The following EXD1 variants were observed in gnomAD, a reference collection of about 807,000 sequenced individuals.
The protein encoded by EXD1 is exonuclease 3'-5' domain containing 1, also known as piRNA biogenesis protein EXD1.
A neutral mutation model predicts 49.1 loss-of-function variants in EXD1; 63 were observed. The observed-to-expected ratio is 1.28, with a 90% CI of 1.05 to 1.58. EXD1 has a LOEUF of 1.58. Among genes scored for constraint, EXD1 ranks in the 40% most tolerant of loss-of-function variants. The pLI is 0.00. For synonymous variants in EXD1, 234 were observed against 239.2 expected (o/e 0.98, Z 0.20); for missense variants, 748 against 666.0 (o/e 1.12, Z -1.36).
intron 7 of EXD1, among the ~76,000 whole-genome samples, chr15:41,199,340 A>C (rs1010323744): frequency 1.7e-4 from 25 of 151,132 alleles, no homozygotes; most frequent in African/African-American, 5.8e-4. Context: ...CACCCGTCTC[A>C]GCCTCTCAAA....
intron 3 of EXD1, among the ~76,000 whole-genome samples, chr15:41,218,150 G>T (rs1877530198): frequency 6.6e-6 from 1 of 152,010 alleles, no homozygotes; most frequent in Admixed American, 6.6e-5. Context: ...TTCGAGACCA[G>T]CCTGGCCAAC....
intron 3 of EXD1, 127 bp from the exon 4 acceptor site, chr15:41,217,281 C>T (rs1255944935): frequency 1.2e-5 from 9 of 745,526 alleles, no homozygotes; most frequent in South Asian, 5.4e-5. Context: ...TGTTAGTCCA[C>T]GGAGGCTTTT....
At position 41,216,759 on chromosome 15, in the gene EXD1, T is replaced by C. The variant is rs1272628527; in HGVS notation, c.297A>G (p.Lys99=). 3.7e-6 allele frequency: 6 copies of C among 1,613,772 alleles called. No homozygotes were observed. The highest frequency in any genetic ancestry group is 5.1e-6 in the Non-Finnish European group (6 of 1,180,040). ...HAERTWMEKM[K]VEDLNVCEPA... ...GCTCACATACATTTAGGTCTTCAAC[T>C]TTCATTTTCTCCATCCAGGTTCTTT... The change falls in exon 5 of 12, where the codon AAA becomes AAG. Residue 99 remains lysine (K), a synonymous_variant. Coordinates refer to ENST00000458580, the MANE Select transcript of EXD1 (RefSeq NM_001286441.2).
intron 7 of EXD1, among the ~76,000 whole-genome samples, chr15:41,198,344 G>A (rs908711533): frequency 2.3e-4 from 35 of 152,208 alleles, no homozygotes; most frequent in African/African-American, 6.7e-4. Flanking sequence ...AGTTGATCAC[G>A]AATGGCCAAT....
intron 7 of EXD1, among the ~76,000 whole-genome samples, chr15:41,197,608 T>C (rs2046636712): frequency 6.6e-6 from 1 of 151,874 alleles, no homozygotes; most frequent in African/African-American, 2.4e-5. Flanking sequence ...TCATTGTGAT[T>C]TTCAAAAGCA....
chr15:41,207,188 C>G (rs1368276920), intron 7 of EXD1, among the ~76,000 whole-genome samples: 1 of 151,508 alleles, frequency 6.6e-6, no homozygotes, highest in East Asian at 2.0e-4. Context: ...TTGCAGTGAG[C>G]TGAGATTGTG....
In EXD1 at chr15:41,230,459, A is replaced by T. The variant is rs2047223472; in HGVS notation, c.-54+20T>A. On this transcript the variant is annotated intron_variant, in intron 1 of 11. Transcript: ENST00000458580. ...TCTCATTTTTAAGACAAAATAAGGA[A>T]CTTCAAATAAATGGCGGACCATAAG... is the stretch of plus-strand genomic sequence containing the variant. The T allele has an allele frequency of 6.2e-7, 1 of 1,607,370 alleles. No homozygotes were observed. Among genetic ancestry groups the T allele is most frequent in the Admixed American group, 1.7e-5 (1 of 59,976 alleles).
intron 6 of EXD1, among the ~76,000 whole-genome samples, chr15:41,211,256 C>T (rs1335712613): frequency 6.6e-6 from 1 of 151,810 alleles, no homozygotes; most frequent in Non-Finnish European, 1.5e-5. Flanking sequence ...AAACTACAGA[C>T]CTGTGCCACC....
chr15:41,208,369 GAAAAAAAAA>G (rs10586810), intron 7 of EXD1, among the ~76,000 whole-genome samples: 1 of 62,680 alleles, frequency 1.6e-5, no homozygotes, highest in Admixed American at 2.1e-4. Context: ...ACTCATCTCT[GAAAAAAAAA>G]AAAAAAAAAA....
chr15:41,195,940 A>G lies in EXD1; in HGVS notation c.632T>C (p.Ile211Thr). Reference protein sequence around the residue: ...GLQMILEDKRILKVIHDCRWL... With the variant: ...GLQMILEDKRTLKVIHDCRWL... The stretch of plus-strand genomic sequence containing the variant: ...ATCAGTTTATATACTTACCTTCAAA[A>G]TTCTCTTGTCTTCTAGTATCATCTG... Residue 211 changes from isoleucine to threonine, a missense_variant, in exon 8 of 12, where the codon ATT (isoleucine) becomes ACT (threonine). By Grantham distance (89) the Ile-to-Thr change is moderately conservative (BLOSUM62 -1). Transcript: ENST00000458580. 1 of 1,609,942 alleles carries G rather than the reference A, an allele frequency of 6.2e-7. No homozygotes were observed. Among genetic ancestry groups the G allele is most frequent in the Non-Finnish European group, 8.5e-7 (1 of 1,178,160 alleles).
intron 7 of EXD1, among the ~76,000 whole-genome samples, chr15:41,202,791 G>A (rs1207178783): frequency 2.0e-5 from 3 of 151,986 alleles, no homozygotes; most frequent in Admixed American, 1.3e-4. Context: ...AGTGGTGTGT[G>A]CCTGTAGCCC....
intron 11 of EXD1, among the ~76,000 whole-genome samples, chr15:41,188,239 ACAGTCTG>A (rs1349399058): frequency 6.6e-6 from 1 of 151,776 alleles, no homozygotes; most frequent in Non-Finnish European, 1.5e-5. Flanking sequence ...GCTGGAGAAA[ACAGTCTG>A]CAGGCCAGAT....
In EXD1 at chr15:41,184,489, G is replaced by A; in HGVS notation, c.1161C>T (p.Leu387=). ...AREYRVNAQG[L]LIRTVLQPKK... ...TTGGCTGTAGCACTGTCCTTATCAG[G>A]AGTCCCTGTGCATTCACCCTATATT... The change falls in exon 12 of 12, where the codon CTC becomes CTT. Residue 387 remains leucine, a synonymous_variant. Coordinates refer to ENST00000458580, the MANE Select transcript of EXD1 (RefSeq NM_001286441.2). The A allele has an allele frequency of 6.2e-7, 1 of 1,614,054 alleles. No homozygotes were observed. The highest frequency in any genetic ancestry group is 8.5e-7 in the Non-Finnish European group (1 of 1,180,010).
intron 7 of EXD1, among the ~76,000 whole-genome samples, chr15:41,208,459 T>G (rs1414357826): frequency 2.0e-5 from 3 of 151,424 alleles, no homozygotes; most frequent in African/African-American, 7.3e-5. Context: ...CTACAAACTT[T>G]TAAAAAATAT....
intron 9 of EXD1, among the ~76,000 whole-genome samples, chr15:41,193,571 T>A (rs950004319): frequency 6.6e-6 from 1 of 151,990 alleles, no homozygotes; most frequent in East Asian, 1.9e-4. Flanking sequence ...AGACCCCATA[T>A]CTTAAAAAAA....
At chr15:41,191,692 C>T (rs929674496) in intron 9 of EXD1, 107 bp from the exon 10 acceptor site, 12 of 1,066,230 alleles carry the variant, frequency 1.1e-5, no homozygotes, top group African/African-American at 3.2e-5. Flanking sequence ...TCCCCAAGGA[C>T]CCACACGATA....
chr15:41,213,600 C>G (rs1349381012), intron 6 of EXD1, among the ~76,000 whole-genome samples: 1 of 151,922 alleles, frequency 6.6e-6, no homozygotes, highest in Non-Finnish European at 1.5e-5. Context: ...ACTGTACCCT[C>G]CACCTCCTCC....
intron 7 of EXD1, among the ~76,000 whole-genome samples, chr15:41,208,901 T>C (rs950809260): frequency 3.8e-4 from 57 of 151,654 alleles, no homozygotes; most frequent in Middle Eastern, 6.8e-3. Context: ...ACTAAGGTGA[T>C]AGAACAGAAC....
intron 2 of EXD1, among the ~76,000 whole-genome samples, chr15:41,222,325 G>A (rs2047100642): frequency 1.3e-5 from 2 of 151,978 alleles, no homozygotes; most frequent in East Asian, 3.9e-4. Flanking sequence ...CAAGGCCGGA[G>A]AATCACTTCA....
Sources: allele counts gnomAD v4.1 joint callset (sites outside exome capture counted in the v4.1 genomes callset), GRCh38; gene constraint gnomAD v4.1.1; transcripts MANE v1.5; gene names NCBI Gene and HGNC (gene_info 2026-07-23, HGNC 2026-07-21).